The following PPP2R2A variants were observed in gnomAD, a reference collection of about 807,000 sequenced individuals.
The protein encoded by PPP2R2A is protein phosphatase 2 regulatory subunit Balpha.
PPP2R2A carries 9 observed loss-of-function variants against 53.2 expected under a neutral mutation model. The ratio of observed to expected loss-of-function variants is 0.17; its 90% CI spans 0.10 to 0.30. PPP2R2A has a LOEUF of 0.30. Among genes scored for constraint, PPP2R2A ranks in the 10% least tolerant of loss-of-function variants. The pLI, the probability that PPP2R2A is intolerant of heterozygous loss-of-function variation, is 1.00. For missense variants in PPP2R2A, 235 were observed against 534.6 expected (o/e 0.44, Z 5.53); for synonymous variants, 169 against 174.2 (o/e 0.97, Z 0.23).
chr8:26,362,703 T>C lies in PPP2R2A; in HGVS notation c.657T>C (p.Pro219=). 1 of 1,614,060 alleles carries C rather than the reference T, an allele frequency of 6.2e-7. No individual in the cohort carries two copies. The highest frequency in any genetic ancestry group is 8.5e-7 in the Non-Finnish European group (1 of 1,179,968). The change falls in exon 7 of 10, where the codon CCT becomes CCC. Residue 219 remains proline, a synonymous_variant. Transcript: ENST00000380737. The surrounding 1 kb of genome is among the most constrained non-coding windows in gnomAD (Gnocchi z 4.4). Reference sequence around the variant, plus strand: ...ATCTAGACATTGTGGATATCAAGCCTGCCAATATGGAAGAGCTAACAGAGG... The same window carrying C: ...ATCTAGACATTGTGGATATCAAGCCCGCCAATATGGAAGAGCTAACAGAGG... ...DRSFNIVDIK[P]ANMEELTEVI...
chr8:26,368,207 T>C (rs563783342), intron 9 of PPP2R2A, among the ~76,000 whole-genome samples: 6 of 152,350 alleles, frequency 3.9e-5, no homozygotes, highest in Middle Eastern at 3.4e-3. Context: ...GGGCACGCAT[T>C]ACCTTGAGTT....
intron 2 of PPP2R2A, among the ~76,000 whole-genome samples, chr8:26,302,560 C>G (rs1199522027): frequency 6.6e-6 from 1 of 152,170 alleles, no homozygotes; most frequent in African/African-American, 2.4e-5. Flanking sequence ...TTCCACAAAC[C>G]TTCAAGAATC....
intron 2 of PPP2R2A, among the ~76,000 whole-genome samples, chr8:26,322,235 T>C (rs534316254): frequency 5.9e-5 from 9 of 152,302 alleles, no homozygotes; most frequent in African/African-American, 2.2e-4. Context: ...GCAGCAGGGT[T>C]TTAGAAATAT....
At chr8:26,296,172 C>T (rs541136180) in intron 2 of PPP2R2A, among the ~76,000 whole-genome samples, 3 of 152,230 alleles carry the variant, frequency 2.0e-5, no homozygotes, top group Non-Finnish European at 4.4e-5. Flanking sequence ...CCTGCTTCTT[C>T]GTCCTGTTTT....
At chr8:26,316,201 T>A (rs953655895) in intron 2 of PPP2R2A, among the ~76,000 whole-genome samples, 12 of 152,090 alleles carry the variant, frequency 7.9e-5, no homozygotes, top group Non-Finnish European at 1.8e-4. Flanking sequence ...AGAGATGGGG[T>A]TTCACCATGT....
At chr8:26,357,380 T>C (rs1469568688) in intron 4 of PPP2R2A, among the ~76,000 whole-genome samples, 1 of 149,810 alleles carries the variant, frequency 6.7e-6, no homozygotes, top group Admixed American at 6.8e-5. Context: ...TTAACCAAAA[T>C]TAATCTTATA....
At chr8:26,344,566 G>T (rs1431544045) in intron 3 of PPP2R2A, among the ~76,000 whole-genome samples, 1 of 152,148 alleles carries the variant, frequency 6.6e-6, no homozygotes, top group Non-Finnish European at 1.5e-5. Context: ...AATGGACTAA[G>T]AGTTGAACAG....
chr8:26,308,712 C>T (rs1183688110), intron 2 of PPP2R2A, among the ~76,000 whole-genome samples: 1 of 152,152 alleles, frequency 6.6e-6, no homozygotes, highest in Admixed American at 6.5e-5. Flanking sequence ...AGACTCTTGT[C>T]AATGTTGATA....
intron 2 of PPP2R2A, among the ~76,000 whole-genome samples, chr8:26,303,109 T>A (rs900586336): frequency 3.3e-5 from 5 of 152,146 alleles, no homozygotes; most frequent in African/African-American, 1.2e-4. Context: ...ACGAAAGTAG[T>A]TTCTGTGACT....
At chr8:26,329,051 A>G (rs1218040948) in intron 2 of PPP2R2A, among the ~76,000 whole-genome samples, 1 of 152,124 alleles carries the variant, frequency 6.6e-6, no homozygotes, top group East Asian at 1.9e-4. Context: ...TATCTTTTTT[A>G]TGAACATAAT....
At chr8:26,334,863 A>G (rs1803575832) in intron 2 of PPP2R2A, among the ~76,000 whole-genome samples, 1 of 152,164 alleles carries the variant, frequency 6.6e-6, no homozygotes, top group South Asian at 2.1e-4. Context: ...TGAGAAGAAT[A>G]TTTTCTAAGA....
At chr8:26,318,541 AATTCATATG>A (rs1802679678) in intron 2 of PPP2R2A, among the ~76,000 whole-genome samples, 1 of 152,208 alleles carries the variant, frequency 6.6e-6, no homozygotes, top group Admixed American at 6.5e-5. Context: ...GGTACACAGG[AATTCATATG>A]ATGCTCTTCT....
chr8:26,369,312 C>T (rs1280256325), intron 9 of PPP2R2A, among the ~76,000 whole-genome samples: 96 of 151,954 alleles, frequency 6.3e-4, no homozygotes, highest in Admixed American at 1.8e-3. Flanking sequence ...GTGCAACCTC[C>T]GCCTCCCGGG....
At chr8:26,365,754 T>C (rs993115348) in intron 8 of PPP2R2A, 3 of 152,200 alleles carry the variant, frequency 2.0e-5, no homozygotes, top group East Asian at 3.8e-4. Context: ...TTTGACATTG[T>C]ATAATATGAT....
At chr8:26,331,083 C>T (rs995992779) in intron 2 of PPP2R2A, among the ~76,000 whole-genome samples, 2 of 152,132 alleles carry the variant, frequency 1.3e-5, no homozygotes, top group African/African-American at 4.8e-5. Context: ...GCCAAAGATT[C>T]TAAGTGAGCC....
intron 2 of PPP2R2A, among the ~76,000 whole-genome samples, chr8:26,309,371 A>C (rs562453030): frequency 5.3e-5 from 8 of 152,354 alleles, no homozygotes; most frequent in Non-Finnish European, 5.9e-5. Flanking sequence ...TTTAGTAAAC[A>C]GTGCTATAAA....
chr8:26,297,659 A>C (rs986531288), intron 2 of PPP2R2A, among the ~76,000 whole-genome samples: 1 of 152,150 alleles, frequency 6.6e-6, no homozygotes, highest in Admixed American at 6.5e-5. Context: ...GCTCCCCTCT[A>C]TAAAATGAGG....
intron 3 of PPP2R2A, among the ~76,000 whole-genome samples, chr8:26,343,617 G>A (rs571538707): frequency 6.6e-6 from 1 of 152,090 alleles, no homozygotes; most frequent in African/African-American, 2.4e-5. Flanking sequence ...TGATCCACCC[G>A]TCTCGTGATC....
intron 6 of PPP2R2A, among the ~76,000 whole-genome samples, chr8:26,361,915 T>G (rs1300121647): frequency 6.6e-6 from 1 of 151,364 alleles, no homozygotes; most frequent in Non-Finnish European, 1.5e-5. Flanking sequence ...GAGCTGAGAT[T>G]GTGCCATTGC....
Sources: allele counts gnomAD v4.1 joint callset (sites outside exome capture counted in the v4.1 genomes callset), GRCh38; gene constraint gnomAD v4.1.1; non-coding constraint Gnocchi (gnomAD v3.1); transcripts MANE v1.5; gene names NCBI Gene and HGNC (gene_info 2026-07-23, HGNC 2026-07-21).